TPRG1: variants seen among roughly 807,000 people sequenced by gnomAD.
The protein encoded by TPRG1 is tumor protein p63 regulated 1.
A neutral mutation model predicts 29.3 loss-of-function variants in TPRG1; 29 were observed. The observed-to-expected ratio is 0.99, with a 90% confidence interval of 0.74 to 1.35. TPRG1 has a LOEUF of 1.35. Ranked by LOEUF, TPRG1 falls within the 40% of genes most tolerant of loss-of-function variation. TPRG1 has a pLI of 0.00. For synonymous variants in TPRG1, 130 were observed against 116.8 expected (o/e 1.11, Z -0.73); for missense variants, 327 against 335.0 (o/e 0.98, Z 0.19).
At chr3:189,077,189 T>C (rs1342955416) in intron 4 of TPRG1, among the ~76,000 whole-genome samples, 1 of 152,132 alleles carries the variant, frequency 6.6e-6, no homozygotes. Context: ...ACTCAAGATG[T>C]ATGAAAATAT....
chr3:189,013,144 T>G (rs963590500), intron 3 of TPRG1, among the ~76,000 whole-genome samples: 1 of 152,208 alleles, frequency 6.6e-6, no homozygotes, highest in African/African-American at 2.4e-5. Flanking sequence ...AGCTTTTTGA[T>G]GTGGGCATTT....
intron 3 of TPRG1, among the ~76,000 whole-genome samples, chr3:189,235,531 G>T (rs937358466): frequency 6.9e-4 from 105 of 152,252 alleles, no homozygotes; most frequent in African/African-American, 2.4e-3. Flanking sequence ...TGGATGGAGG[G>T]AGGGTTCTTC....
intron 5 of TPRG1, among the ~76,000 whole-genome samples, chr3:189,152,966 C>T (rs141839951): frequency 5.3e-5 from 8 of 152,268 alleles, no homozygotes; most frequent in East Asian, 1.9e-4. Flanking sequence ...TGCTACCCGC[C>T]GTTATTTGCA....
intron 3 of TPRG1, among the ~76,000 whole-genome samples, chr3:189,010,322 A>C (rs1712531297): frequency 6.6e-6 from 1 of 152,142 alleles, no homozygotes; most frequent in African/African-American, 2.4e-5. Flanking sequence ...ACTGGGTTGA[A>C]TGATATTTCT....
intron 4 of TPRG1, among the ~76,000 whole-genome samples, chr3:189,248,196 AT>A (rs989195990): frequency 2.0e-5 from 3 of 151,482 alleles, no homozygotes; most frequent in Non-Finnish European, 4.4e-5. Context: ...GCATGTTTAA[AT>A]TTTTTTTCTT....
chr3:189,279,858 T>C (rs576978577), intron 4 of TPRG1, among the ~76,000 whole-genome samples: 27 of 152,324 alleles, frequency 1.8e-4, no homozygotes, highest in African/African-American at 6.3e-4. Flanking sequence ...GGTAATTCCT[T>C]CTCTAATAAG....
intron 5 of TPRG1, among the ~76,000 whole-genome samples, chr3:189,159,503 C>A (rs915199203): frequency 6.6e-6 from 1 of 152,124 alleles, no homozygotes; most frequent in African/African-American, 2.4e-5. Context: ...AGAGTCCTAT[C>A]CCCTGTCCTT....
At chr3:189,309,788 C>A (rs556325490) in intron 4 of TPRG1, 1 of 152,376 alleles carries the variant, frequency 6.6e-6, no homozygotes, top group East Asian at 1.9e-4. Context: ...GAGGGGCAGG[C>A]ACAGTCTTTC....
intron 3 of TPRG1, among the ~76,000 whole-genome samples, chr3:189,138,872 G>A (rs574874879): frequency 6.6e-6 from 1 of 152,300 alleles, no homozygotes; most frequent in East Asian, 1.9e-4. Context: ...ATGTAATAAA[G>A]GGGTCAGGGA....
chr3:189,019,138 C>T (rs1280744146), intron 3 of TPRG1, among the ~76,000 whole-genome samples: 2 of 151,146 alleles, frequency 1.3e-5, no homozygotes, highest in South Asian at 2.1e-4. Flanking sequence ...TGGGCTGAGA[C>T]AATGGGGTTT....
At chr3:189,306,432 G>A (rs1437256508) in intron 4 of TPRG1, among the ~76,000 whole-genome samples, 2 of 152,172 alleles carry the variant, frequency 1.3e-5, no homozygotes, top group East Asian at 3.8e-4. Flanking sequence ...GGATACAGGT[G>A]GAAGAAGAGG....
At chr3:189,016,738 C>T (rs916209750) in intron 3 of TPRG1, among the ~76,000 whole-genome samples, 3 of 152,096 alleles carry the variant, frequency 2.0e-5, no homozygotes, top group African/African-American at 4.8e-5. Context: ...GGCACTTCCC[C>T]CTTCATGCTC....
chr3:189,173,933 T>C (rs1294847654), intron 1 of TPRG1, among the ~76,000 whole-genome samples: 2 of 152,198 alleles, frequency 1.3e-5, no homozygotes, highest in Admixed American at 1.3e-4. Context: ...TCTCTCTTTA[T>C]TGACTTGGTT....
At chr3:189,299,184 G>T (rs1720437517) in intron 4 of TPRG1, among the ~76,000 whole-genome samples, 1 of 151,904 alleles carries the variant, frequency 6.6e-6, no homozygotes, top group Admixed American at 6.6e-5. Flanking sequence ...CAAACCTGAG[G>T]CCAGTGATTT....
At chr3:189,006,299 C>T (rs1712283744) in intron 3 of TPRG1, among the ~76,000 whole-genome samples, 1 of 151,998 alleles carries the variant, frequency 6.6e-6, no homozygotes, top group Admixed American at 6.6e-5. Flanking sequence ...ACTTATCTCC[C>T]AGGAGGATGT....
rs182911847 is a variant in TPRG1 at position 189,021,957 on chromosome 3, C to T, written c.-659-1793C>T. Reference sequence around the variant, plus strand: ...TTTTTATTCTTTTTTCTCTAACCTTCCCTTCTTGCTTCATTTCATTCATTT... The same window carrying T: ...TTTTTATTCTTTTTTCTCTAACCTTTCCTTCTTGCTTCATTTCATTCATTT... On this transcript the variant is annotated intron_variant, in intron 3 of 10. Coordinates refer to the TPRG1 transcript ENST00000433971. 7.7e-3 allele frequency among the ~76,000 whole-genome samples: 1,173 copies of T among 152,230 alleles called. 34 individuals carry two copies. The East Asian group carries it at 0.09, about 12-fold the overall frequency.
intron 1 of TPRG1, among the ~76,000 whole-genome samples, chr3:189,186,985 G>GGTT (rs746009750): frequency 4.5e-5 from 4 of 88,946 alleles, no homozygotes; most frequent in Admixed American, 1.4e-4. Flanking sequence ...CATCTAAAGT[G>GGTT]TTTTTTTTTT....
chr3:189,213,632 C>T (rs1451128842), intron 2 of TPRG1, among the ~76,000 whole-genome samples: 2 of 152,190 alleles, frequency 1.3e-5, no homozygotes, highest in African/African-American at 4.8e-5. Context: ...CCTTCATCTT[C>T]TGTCTTCATC....
upstream of TPRG1, among the ~76,000 whole-genome samples, chr3:189,097,573 C>T (rs556173351): frequency 1.3e-4 from 20 of 152,096 alleles, no homozygotes; most frequent in Non-Finnish European, 2.4e-4. Context: ...GTGTACTCAT[C>T]GTTATAAATT....
Sources: allele counts gnomAD v4.1 joint callset (sites outside exome capture counted in the v4.1 genomes callset), GRCh38; gene constraint gnomAD v4.1.1; transcripts MANE v1.5; gene names NCBI Gene and HGNC (gene_info 2026-07-23, HGNC 2026-07-21).